The following DYNC2H1 variants were observed in gnomAD, a reference collection of about 807,000 sequenced individuals.
DYNC2H1 encodes dynein cytoplasmic 2 heavy chain 1, also known as cytoplasmic dynein 2 heavy chain 1.
A neutral mutation model predicts 570.0 loss-of-function variants in DYNC2H1; 410 were observed. The observed-to-expected ratio is 0.72, with a 90% CI of 0.66 to 0.78. The LOEUF is 0.78. Among genes scored for constraint, DYNC2H1 ranks in the 30% least tolerant of loss-of-function variants. The pLI is 0.00. For missense variants in DYNC2H1, 4,865 were observed against 5,046.4 expected, an observed-to-expected ratio of 0.96 and a Z score of 1.09; for synonymous variants, 1,688 against 1,677.6, an observed-to-expected ratio of 1.01 and a Z score of -0.15.
At chr11:103,301,312 T>C (rs1402421744) in intron 75 of DYNC2H1, among the ~76,000 whole-genome samples, 1 of 151,966 alleles carries the variant, frequency 6.6e-6, no homozygotes, top group Non-Finnish European at 1.5e-5. Context: ...TGCGTCCATA[T>C]CCTGAATTGT....
chr11:103,403,309 T>C (rs545926226), intron 84 of DYNC2H1: 12 of 152,184 alleles, frequency 7.9e-5, no homozygotes, highest in African/African-American at 2.9e-4. Flanking sequence ...TTATTTTTTG[T>C]GTAGGGGGTG....
intron 88 of DYNC2H1, among the ~76,000 whole-genome samples, chr11:103,477,598 G>A (rs1237134573): frequency 2.0e-5 from 3 of 151,928 alleles, no homozygotes; most frequent in Non-Finnish European, 2.9e-5. Context: ...TTGGGAGGCC[G>A]AGGCACACGT....
intron 29 of DYNC2H1, among the ~76,000 whole-genome samples, chr11:103,162,291 A>G (rs1861127285): frequency 6.6e-6 from 1 of 152,192 alleles, no homozygotes; most frequent in Non-Finnish European, 1.5e-5. Context: ...CAGATTGAAA[A>G]AAAAAGCTGG....
At chr11:103,387,291 G>A (rs374036896) in intron 83 of DYNC2H1, among the ~76,000 whole-genome samples, 2 of 152,230 alleles carry the variant, frequency 1.3e-5, no homozygotes, top group African/African-American at 2.4e-5. Context: ...TGGCTGCATA[G>A]ATGTCTTCTT....
chr11:103,196,319 G>A (rs1177790075), intron 47 of DYNC2H1, among the ~76,000 whole-genome samples: 1 of 152,080 alleles, frequency 6.6e-6, no homozygotes, highest in African/African-American at 2.4e-5. Context: ...TTGAATGTTT[G>A]CAATCTTTCT....
At chr11:103,139,816 G>T (rs1207236965) in intron 17 of DYNC2H1, among the ~76,000 whole-genome samples, 9 of 152,050 alleles carry the variant, frequency 5.9e-5, no homozygotes, top group Non-Finnish European at 1.5e-5. Flanking sequence ...ACAGTGGGGT[G>T]TTAAAGTCTT....
Position 103,358,242 on chromosome 11 carries a change from G to T in DYNC2H1, c.12040-1G>T. The T allele has an allele frequency of 2.0e-6, 3 of 1,529,290 alleles. No individual in the cohort carries two copies. Among genetic ancestry groups the T allele is most frequent in the Non-Finnish European group, 2.7e-6 (3 of 1,126,512 alleles). 94.7% of individuals were successfully genotyped at this position (1,529,290 alleles called of 1,614,324 possible). A position where few individuals can be genotyped will look rare whatever the true frequency, so the allele number is the denominator to read the frequency against. Reference sequence around the variant, plus strand: ...TTGATACTTATTATTTTTTTATTCAGGTTATTTCACAGTTGAGGATTTTGG... The same window carrying T: ...TTGATACTTATTATTTTTTTATTCATGTTATTTCACAGTTGAGGATTTTGG... On this transcript the variant is annotated splice_acceptor_variant, in intron 82 of 88. Transcript: ENST00000375735. LOFTEE classifies it high-confidence loss of function.
rs529541493 is a variant in DYNC2H1 at position 103,268,995 on chromosome 11, T to C, written c.10695+9018T>C. Among the ~76,000 whole-genome samples, 10 of 152,234 alleles carry C rather than the reference T, an allele frequency of 6.6e-5. No homozygotes were observed. The South Asian group carries it at 2.1e-3, about 32-fold the overall frequency. Reference sequence around the variant, plus strand: ...TAGTGACTGCAGTGGGATTATTTCTTTGAAGTTACTTTAACTTTTAAAAAT... The same window carrying C: ...TAGTGACTGCAGTGGGATTATTTCTCTGAAGTTACTTTAACTTTTAAAAAT... On this transcript the variant is annotated intron_variant, in intron 70 of 88. Transcript: ENST00000375735. This position sits in a 1 kb window ranked among gnomAD's most constrained non-coding sequence, Gnocchi z 4.6.
At chr11:103,223,689 G>A (rs1863686336) in intron 59 of DYNC2H1, among the ~76,000 whole-genome samples, 1 of 151,540 alleles carries the variant, frequency 6.6e-6, no homozygotes, top group South Asian at 2.1e-4. Context: ...CCTGGCCAAG[G>A]AATAATGTTA....
At position 103,277,993 on chromosome 11, in the gene DYNC2H1, T is replaced by C. The variant is rs1252653668; in HGVS notation, c.10696-2355T>C. ...TGTTAATATTTCTCCTTATGTTGGCTCTGGTAGGTTGTGCCCTAGGTTACC... is the reference window on the plus strand; with the variant it reads ...TGTTAATATTTCTCCTTATGTTGGCCCTGGTAGGTTGTGCCCTAGGTTACC... On this transcript the variant is annotated intron_variant, in intron 70 of 88. Coordinates refer to ENST00000375735, the MANE Select transcript of DYNC2H1 (RefSeq NM_001377.3). The surrounding 1 kb of genome is among the most constrained non-coding windows in gnomAD (Gnocchi z 4.3). Among the ~76,000 whole-genome samples, 1 of 152,172 alleles carries C rather than the reference T, an allele frequency of 6.6e-6. No homozygotes were observed. Among genetic ancestry groups the C allele is most frequent in the African/African-American group, 2.4e-5 (1 of 41,452 alleles).
intron 47 of DYNC2H1, 41 bp from the exon 48 acceptor site, chr11:103,197,892 G>T: frequency 1.3e-6 from 2 of 1,541,384 alleles, no homozygotes; most frequent in Non-Finnish European, 1.8e-6. Context: ...CTCTCATTAC[G>T]AGTAATGCAT....
chr11:103,260,325 G>A (rs1045119754), intron 70 of DYNC2H1, among the ~76,000 whole-genome samples: 9 of 152,184 alleles, frequency 5.9e-5, no homozygotes, highest in African/African-American at 1.9e-4. Context: ...CTTTGTGTGT[G>A]GGATGTTGTT....
chr11:103,174,202 A>G lies in DYNC2H1; in HGVS notation c.5674+32A>G, dbSNP rs774017745. 6 of 1,478,226 alleles carry G rather than the reference A, an allele frequency of 4.1e-6. No homozygotes were observed. In the East Asian group the frequency reaches 9.9e-5, roughly 24 times the overall value. 91.6% of individuals were successfully genotyped at this position (1,478,226 alleles called of 1,614,324 possible). On this transcript the variant is annotated intron_variant, in intron 36 of 88. Transcript: ENST00000375735. Reference sequence around the variant, plus strand: ...TTGATTATTCCAAATACATTAACTTATTTTTAAAAACATAAGCGTTAATTT... The same window carrying G: ...TTGATTATTCCAAATACATTAACTTGTTTTTAAAAACATAAGCGTTAATTT...
At position 103,358,386 on chromosome 11, in the gene DYNC2H1, C is replaced by G. The variant is rs1940461545; in HGVS notation, c.12156+27C>G. 4.8e-6 allele frequency: 7 copies of G among 1,457,294 alleles called. No individual in the cohort carries two copies. The Middle Eastern group carries it at 5.1e-4, about 106-fold the overall frequency. The allele number at this position is 1,457,294 out of a possible 1,614,324, so 90.3% of individuals were successfully genotyped here. On this transcript the variant is annotated intron_variant, in intron 83 of 88. Coordinates refer to ENST00000375735, the MANE Select transcript of DYNC2H1 (RefSeq NM_001377.3). ...TTAGTAGTGGAATATTCTTCTGATT[C>G]TTTTGCTTTTTCTCCCGCATCGTAA...
At chr11:103,287,154 A>T (rs1011643877) in intron 74 of DYNC2H1, among the ~76,000 whole-genome samples, 2 of 151,752 alleles carry the variant, frequency 1.3e-5, no homozygotes, top group Non-Finnish European at 2.9e-5. Flanking sequence ...TTTTTTTTTT[A>T]AACGTAAAAA....
At chr11:103,426,220 T>C (rs1212080439) in intron 84 of DYNC2H1, among the ~76,000 whole-genome samples, 3 of 152,338 alleles carry the variant, frequency 2.0e-5, no homozygotes, top group East Asian at 1.9e-4. Flanking sequence ...CTATAATCTA[T>C]AGAAACAATG....
intron 1 of DYNC2H1, among the ~76,000 whole-genome samples, chr11:103,110,821 C>CT (rs540978155): frequency 0.011 from 1,600 of 141,074 alleles, 55 homozygotes; most frequent in Admixed American, 0.068. Context: ...CATTCAGTGC[C>CT]TTTTTTTTTT....
At chr11:103,111,578 A>G (rs1001231316) in intron 1 of DYNC2H1, among the ~76,000 whole-genome samples, 2 of 152,188 alleles carry the variant, frequency 1.3e-5, no homozygotes, top group Admixed American at 6.5e-5. Flanking sequence ...ATCAGGACAC[A>G]CTGTTGTAAA....
chr11:103,352,239 C>T (rs2135512090), intron 82 of DYNC2H1, among the ~76,000 whole-genome samples: 1 of 152,046 alleles, frequency 6.6e-6, no homozygotes, highest in Middle Eastern at 3.5e-3. Context: ...TCTTTTGTAT[C>T]TGTTTTCTAT....
Sources: gnomAD v4.1 joint callset for allele counts (sites outside exome capture counted in the v4.1 genomes callset) on GRCh38, gnomAD v4.1.1 for gene constraint, Gnocchi (gnomAD v3.1) non-coding constraint, MANE v1.5 for transcripts, NCBI Gene and HGNC (gene_info 2026-07-23, HGNC 2026-07-21) for gene names.